Variants in VAV3 observed in about 807,000 individuals in gnomAD.
The protein encoded by VAV3 is vav guanine nucleotide exchange factor 3, also known as guanine nucleotide exchange factor VAV3.
In VAV3, 94 loss-of-function variants were observed where a neutral mutation model predicts 131.2. The observed-to-expected ratio is 0.72, with a 90% CI of 0.61 to 0.85. VAV3 has a LOEUF of 0.85. Ranked by LOEUF, VAV3 falls within the 40% of genes least tolerant of loss-of-function variation. VAV3 has a pLI of 0.00. For missense variants in VAV3, 939 were observed against 1,002.7 expected (o/e 0.94, Z 0.86); for synonymous variants, 349 against 342.0 (o/e 1.02, Z -0.22).
intron 19 of VAV3, among the ~76,000 whole-genome samples, chr1:107,654,909 T>C (rs1656429568): frequency 1.3e-5 from 2 of 151,650 alleles, no homozygotes; most frequent in African/African-American, 4.8e-5. Context: ...TATACAACAA[T>C]AAAAATGTAA....
chr1:107,877,905 C>G lies in VAV3; in HGVS notation c.205-2888G>C, dbSNP rs140803709. On this transcript the variant is annotated intron_variant, in intron 1 of 26. Coordinates refer to ENST00000370056, the MANE Select transcript of VAV3 (RefSeq NM_006113.5). ...AGGCTCACACTTCACTCAATGCTCA[C>G]AAGTGTGTGGCTCTGTGCACATATA... 2.6e-5 allele frequency among the ~76,000 whole-genome samples: 4 copies of G among 152,234 alleles called. No individual in the cohort carries two copies. The East Asian group carries it at 7.7e-4, about 29-fold the overall frequency.
At chr1:107,649,070 CA>C (rs373145745) in intron 19 of VAV3, among the ~76,000 whole-genome samples, 6 of 151,234 alleles carry the variant, frequency 4.0e-5, no homozygotes, top group Admixed American at 6.6e-5. Context: ...AACAAACAAA[CA>C]AAAAAAAAGC....
chr1:107,746,882 C>CTT (rs11313509), intron 15 of VAV3, among the ~76,000 whole-genome samples: 3 of 145,484 alleles, frequency 2.1e-5, no homozygotes, highest in East Asian at 2.0e-4. Flanking sequence ...TGTCAAATCT[C>CTT]TTTTTTTTTT....
At chr1:107,854,065 T>C (rs1383198888) in intron 2 of VAV3, among the ~76,000 whole-genome samples, 2 of 152,130 alleles carry the variant, frequency 1.3e-5, no homozygotes, top group Non-Finnish European at 2.9e-5. Context: ...TCCCACCACT[T>C]TGGGAGGCTG....
At chr1:107,664,749 C>T (rs1657292517) in intron 19 of VAV3, among the ~76,000 whole-genome samples, 1 of 151,804 alleles carries the variant, frequency 6.6e-6, no homozygotes, top group Non-Finnish European at 1.5e-5. Context: ...GAGGGACCCA[C>T]AATGCACACC....
intron 19 of VAV3, among the ~76,000 whole-genome samples, chr1:107,675,444 C>CCCTCTACA (rs1465106521): frequency 4.6e-5 from 7 of 152,088 alleles, no homozygotes; most frequent in Admixed American, 3.3e-4. Context: ...CAGATCTGTG[C>CCCTCTACA]CACTGTAGAA....
intron 10 of VAV3, 115 bp from the exon 11 acceptor site, chr1:107,757,444 A>C (rs1299171969): frequency 1.6e-5 from 14 of 894,314 alleles, no homozygotes; most frequent in Middle Eastern, 2.9e-4. Flanking sequence ...TAATGTGATA[A>C]ATCTAATATG....
rs534762185 is a variant in VAV3 at position 107,577,168 on chromosome 1, C to T, written c.2351-2970G>A. Among the ~76,000 whole-genome samples the T allele has an allele frequency of 3.9e-5, 6 of 152,288 alleles. No individual in the cohort carries two copies. In the East Asian group the frequency reaches 1.2e-3, roughly 29 times the overall value. ...GTCTTAGGTACCATGCTGAAAGTGC[C>T]ATACTCAGTATTTCACTTAATTGTC... On this transcript the variant is annotated intron_variant, in intron 25 of 26. Coordinates refer to ENST00000370056, the MANE Select transcript of VAV3 (RefSeq NM_006113.5).
At chr1:107,701,792 C>T (rs1357170986) in intron 17 of VAV3, among the ~76,000 whole-genome samples, 1 of 152,168 alleles carries the variant, frequency 6.6e-6, no homozygotes, top group African/African-American at 2.4e-5. Flanking sequence ...CAAGAGTGAC[C>T]TTTACTCCAA....
intron 1 of VAV3, among the ~76,000 whole-genome samples, chr1:107,923,073 CAG>C (rs931005578): frequency 6.6e-6 from 1 of 151,914 alleles, no homozygotes; most frequent in Admixed American, 6.6e-5. Context: ...CAACAGCTTG[CAG>C]AGTTTTTTTA....
intron 21 of VAV3, among the ~76,000 whole-genome samples, chr1:107,614,906 G>C (rs1334908609): frequency 6.6e-6 from 1 of 152,010 alleles, no homozygotes; most frequent in Non-Finnish European, 1.5e-5. Context: ...GATGTCTTTA[G>C]GTTCCCAAAC....
At chr1:107,717,649 T>C (rs1478413551) in intron 15 of VAV3, among the ~76,000 whole-genome samples, 1 of 152,222 alleles carries the variant, frequency 6.6e-6, no homozygotes, top group African/African-American at 2.4e-5. Flanking sequence ...AGGAGTGTTT[T>C]ACTTCCAACA....
chr1:107,725,615 T>G (rs1348361779), intron 15 of VAV3, among the ~76,000 whole-genome samples: 1 of 152,092 alleles, frequency 6.6e-6, no homozygotes, highest in East Asian at 1.9e-4. Context: ...CCTGGGTTCA[T>G]GTGATTCTCA....
chr1:107,700,461 C>A (rs747579111), intron 17 of VAV3, among the ~76,000 whole-genome samples: 7 of 152,156 alleles, frequency 4.6e-5, no homozygotes, highest in Non-Finnish European at 8.8e-5. Context: ...TTTCCCCCAC[C>A]CTGCTTACAG....
intron 15 of VAV3, among the ~76,000 whole-genome samples, chr1:107,724,546 T>C (rs186600016): frequency 1.0e-3 from 158 of 152,184 alleles, no homozygotes; most frequent in Non-Finnish European, 1.9e-3. Flanking sequence ...TGAAAAGAAG[T>C]AAACCTAATA....
At chr1:107,749,890 A>G (rs1254185158) in intron 13 of VAV3, among the ~76,000 whole-genome samples, 3 of 152,232 alleles carry the variant, frequency 2.0e-5, no homozygotes, top group Admixed American at 1.3e-4. Context: ...GATAAGCCAT[A>G]AAGTTTGTTC....
At chr1:107,583,931 A>C (rs1393679765) in intron 25 of VAV3, among the ~76,000 whole-genome samples, 1 of 152,040 alleles carries the variant, frequency 6.6e-6, no homozygotes, top group Non-Finnish European at 1.5e-5. Flanking sequence ...GGAACCAAAA[A>C]AGAGCCCGCA....
At chr1:107,676,423 C>T (rs942576991) in intron 19 of VAV3, among the ~76,000 whole-genome samples, 26 of 152,178 alleles carry the variant, frequency 1.7e-4, no homozygotes, top group African/African-American at 5.8e-4. Context: ...TAACAGACAA[C>T]TTTGCCTCCA....
intron 2 of VAV3, among the ~76,000 whole-genome samples, chr1:107,845,271 C>A (rs1668912349): frequency 6.6e-6 from 1 of 152,130 alleles, no homozygotes; most frequent in African/African-American, 2.4e-5. Flanking sequence ...AAAAGGACGT[C>A]CACACAAAAA....
Sources: allele counts gnomAD v4.1 joint callset (sites outside exome capture counted in the v4.1 genomes callset), GRCh38; gene constraint gnomAD v4.1.1; transcripts MANE v1.5; gene names NCBI Gene and HGNC (gene_info 2026-07-23, HGNC 2026-07-21).